The following NPTXR variants were observed in gnomAD, a reference collection of about 807,000 sequenced individuals.
The protein encoded by NPTXR is neuronal pentraxin receptor.
Under a neutral mutation model 32.2 loss-of-function variants are expected in NPTXR, and 12 were observed. The ratio of observed to expected loss-of-function variants is 0.37; its 90% CI spans 0.24 to 0.60. NPTXR has a LOEUF of 0.60. Ranked by LOEUF, NPTXR falls within the 20% of genes least tolerant of loss-of-function variation. NPTXR has a pLI of 0.66. For missense variants in NPTXR, 612 were observed against 682.9 expected, an observed-to-expected ratio of 0.90 and a Z score of 1.16; for synonymous variants, 323 against 315.8, an observed-to-expected ratio of 1.02 and a Z score of -0.24.
chr22:38,843,636 G>A lies in NPTXR; in HGVS notation c.223C>T (p.Pro75Ser), dbSNP rs776494065. The change falls in exon 1 of 5, where the codon CCC (proline) becomes TCC (serine). Residue 75 changes from proline (P) to serine (S), a missense_variant. Pro to Ser is a moderately conservative substitution (Grantham distance 74). Transcript: ENST00000333039. The surrounding 1 kb of genome is among the most constrained non-coding windows in gnomAD (Gnocchi z 5.3). ...TGCGCGCTGGCCGCGGGTGCCCCGG[G>A]CAGCGCGGGGGGCCCGGCTGAACCG... is the stretch of plus-strand genomic sequence containing the variant. 8.8e-5 allele frequency: 97 copies of A among 1,099,626 alleles called. 1 individual carries two copies. The African/African-American group carries it at 1.4e-3, about 15-fold the overall frequency. 68.1% of individuals were successfully genotyped at this position (1,099,626 alleles called of 1,614,324 possible).
At chr22:38,824,303 A>C (rs2093102952) in intron 3 of NPTXR, among the ~76,000 whole-genome samples, 1 of 152,038 alleles carries the variant, frequency 6.6e-6, no homozygotes, top group Non-Finnish European at 1.5e-5. Flanking sequence ...TGAGATCACA[A>C]TTTAATGTAA....
chr22:38,841,140 G>A (rs1407273146), intron 1 of NPTXR, among the ~76,000 whole-genome samples: 1 of 152,190 alleles, frequency 6.6e-6, no homozygotes, highest in East Asian at 1.9e-4. Context: ...TGAGCCAAGT[G>A]GTCTCACCCT....
Position 38,828,425 on chromosome 22 carries a change from G to T in NPTXR, c.712C>A (p.Leu238Met). Residue 238 changes from leucine to methionine, a missense_variant, in exon 2 of 5, where the codon CTG becomes ATG. By Grantham distance (15) the Leu-to-Met change is conservative. Transcript: ENST00000333039. ...ACCTGGGCCAGCAGCTGCCCCTCCA[G>T]CTGGTCCATCTTGGAGTGTAGGCCG... 6.2e-7 allele frequency: 1 copy of T among 1,612,614 alleles called. No individual in the cohort carries two copies. The highest frequency in any genetic ancestry group is 1.1e-5 in the South Asian group (1 of 91,008).
At chr22:38,825,203 G>A (rs1321122470) in intron 3 of NPTXR, among the ~76,000 whole-genome samples, 4 of 152,160 alleles carry the variant, frequency 2.6e-5, no homozygotes, top group Non-Finnish European at 4.4e-5. Context: ...GAGGGGCATC[G>A]GGGAGGGAGG....
rs1221748850 is a variant in NPTXR at position 38,832,870 on chromosome 22, C to T, written c.625-4358G>A. ...CAAGCAGGAGAGGTACTAATGGCCACGGGAAGTCTAGAAGATCCAGAAGGT... is the reference window on the plus strand; with the variant it reads ...CAAGCAGGAGAGGTACTAATGGCCATGGGAAGTCTAGAAGATCCAGAAGGT... On this transcript the variant is annotated intron_variant, in intron 1 of 4. Transcript: ENST00000333039. 2.0e-5 allele frequency among the ~76,000 whole-genome samples: 3 copies of T among 152,046 alleles called. 1 individual carries two copies. Among genetic ancestry groups the T allele is most frequent in the South Asian group, 4.1e-4 (2 of 4,822 alleles).
chr22:38,844,002 C>T lies in NPTXR; in HGVS notation c.-144G>A. On this transcript the variant is annotated 5_prime_UTR_variant, in exon 1 of 5. Coordinates refer to ENST00000333039, the MANE Select transcript of NPTXR (RefSeq NM_014293.4). This position sits in a 1 kb window ranked among gnomAD's most constrained non-coding sequence, Gnocchi z 4.3. ...GAGCCGGAGCCGGAGCTGGAGCTGT[C>T]GCCGCGGCCGCTGCTGCCGCCGCTC... 1 of 278,024 alleles carries T rather than the reference C, an allele frequency of 3.6e-6. No individual in the cohort carries two copies. Among genetic ancestry groups the T allele is most frequent in the Non-Finnish European group, 5.4e-6 (1 of 184,976 alleles). The allele number at this position is 278,024 out of a possible 1,614,324, so 17.2% of individuals were successfully genotyped here.
Position 38,826,491 on chromosome 22 carries a change from C to T in NPTXR, c.1098+9G>A, listed in dbSNP as rs756188514. On this transcript the variant is annotated intron_variant, in intron 3 of 4. Transcript: ENST00000333039. Reference sequence around the variant, plus strand: ...CCCCCAGCCAGCCCTCCCTGCCAGCCCTGCCTACCTTGTCGTTGATCAGCA... The same window carrying T: ...CCCCCAGCCAGCCCTCCCTGCCAGCTCTGCCTACCTTGTCGTTGATCAGCA... 3 of 1,595,488 alleles carry T rather than the reference C, an allele frequency of 1.9e-6. No homozygotes were observed. Among genetic ancestry groups the T allele is most frequent in the African/African-American group, 2.7e-5 (2 of 74,668 alleles).
rs1301112617 is a variant in NPTXR at position 38,822,764 on chromosome 22, C to G, written c.1348G>C (p.Asp450His). Residue 450 changes from aspartate to histidine, a missense_variant, in exon 5 of 5, where the codon GAC becomes CAC. By Grantham distance (81) the Asp-to-His change is moderately conservative (BLOSUM62 -1). Transcript: ENST00000333039. ...ACCTGGGCTGGTGTCAGGGCGTGGTCCCACAGGTTAAACTGGGCAATGTCA... is the reference window on the plus strand; with the variant it reads ...ACCTGGGCTGGTGTCAGGGCGTGGTGCCACAGGTTAAACTGGGCAATGTCA... 5 of 1,614,068 alleles carry G rather than the reference C, an allele frequency of 3.1e-6. No individual in the cohort carries two copies. Among genetic ancestry groups the G allele is most frequent in the Non-Finnish European group, 4.2e-6 (5 of 1,180,034 alleles).
chr22:38,835,717 C>G (rs2093122961), intron 1 of NPTXR, among the ~76,000 whole-genome samples: 1 of 152,200 alleles, frequency 6.6e-6, no homozygotes, highest in Non-Finnish European at 1.5e-5. Flanking sequence ...GTCCCCCACC[C>G]CTAGCCCACT....
intron 1 of NPTXR, among the ~76,000 whole-genome samples, chr22:38,841,390 C>T (rs533725782): frequency 4.2e-4 from 64 of 152,354 alleles, no homozygotes; most frequent in Middle Eastern, 6.8e-3. Context: ...CCAACCTCAG[C>T]GGGCTAACCG....
intron 2 of NPTXR, 82 bp downstream of exon 2, chr22:38,828,204 TC>T: frequency 8.8e-7 from 1 of 1,137,220 alleles, no homozygotes; most frequent in Non-Finnish European, 1.3e-6. Flanking sequence ...GATGTTAGCC[TC>T]CGGGGAGCAT....
intron 1 of NPTXR, among the ~76,000 whole-genome samples, chr22:38,832,863 A>T (rs2093118499): frequency 6.6e-6 from 1 of 151,956 alleles, no homozygotes; most frequent in Admixed American, 6.5e-5. Flanking sequence ...AGAGGTACTA[A>T]TGGCCACGGG....
At position 38,828,412 on chromosome 22, in the gene NPTXR, A is replaced by G; in HGVS notation, c.725T>C (p.Leu242Pro). Residue 242 changes from leucine to proline, a missense_variant, in exon 2 of 5, where the codon CTG becomes CCG. Transcript: ENST00000333039. The stretch of plus-strand genomic sequence containing the variant: ...CTCCAGTGCCAGCACCTGGGCCAGC[A>G]GCTGCCCCTCCAGCTGGTCCATCTT... 6.2e-7 allele frequency: 1 copy of G among 1,612,780 alleles called. No homozygotes were observed. Among genetic ancestry groups the G allele is most frequent in the Non-Finnish European group, 8.5e-7 (1 of 1,179,884 alleles).
chr22:38,843,731 G>T lies in NPTXR; in HGVS notation c.128C>A (p.Ala43Asp). Residue 43 changes from alanine to aspartate, a missense_variant, in exon 1 of 5, where the codon GCT becomes GAT. Ala to Asp is a moderately radical substitution (Grantham distance 126). Coordinates refer to ENST00000333039, the MANE Select transcript of NPTXR (RefSeq NM_014293.4). The surrounding 1 kb of genome is among the most constrained non-coding windows in gnomAD (Gnocchi z 5.3). ...CGCGGCGGCGCCCGAGGCGACCGAA[G>T]CATTGTCGGCGCCGCCGGGCAGCGC... 1.0e-6 allele frequency: 1 copy of T among 995,138 alleles called. No homozygotes were observed. Among genetic ancestry groups the T allele is most frequent in the South Asian group, 4.5e-5 (1 of 22,042 alleles). 61.6% of individuals were successfully genotyped at this position (995,138 alleles called of 1,614,324 possible). A position where few individuals can be genotyped will look rare whatever the true frequency, so the allele number is the denominator to read the frequency against.
chr22:38,838,735 C>T (rs557125850), intron 1 of NPTXR, among the ~76,000 whole-genome samples: 11 of 152,092 alleles, frequency 7.2e-5, no homozygotes, highest in Admixed American at 1.3e-4. Context: ...GTGCCCGCCA[C>T]CATGCCTGGC....
chr22:38,843,998 C>T lies in NPTXR; in HGVS notation c.-140G>A, dbSNP rs1188060075. On this transcript the variant is annotated 5_prime_UTR_variant, in exon 1 of 5. Coordinates refer to ENST00000333039, the MANE Select transcript of NPTXR (RefSeq NM_014293.4). This position sits in a 1 kb window ranked among gnomAD's most constrained non-coding sequence, Gnocchi z 5.3. ...GCCGGAGCCGGAGCCGGAGCTGGAG[C>T]TGTCGCCGCGGCCGCTGCTGCCGCC... The T allele has an allele frequency of 3.1e-6, 1 of 321,632 alleles. No homozygotes were observed. The highest frequency in any genetic ancestry group is 4.4e-6 in the Non-Finnish European group (1 of 224,876). The allele number at this position is 321,632 out of a possible 1,614,324, so 19.9% of individuals were successfully genotyped here.
chr22:38,824,878 C>T (rs1490080848), intron 3 of NPTXR, among the ~76,000 whole-genome samples: 1 of 152,206 alleles, frequency 6.6e-6, no homozygotes, highest in Non-Finnish European at 1.5e-5. Context: ...CTCCTCCCTC[C>T]TCCTCCTCCC....
rs2093096265 is a variant in NPTXR, at chr22:38,821,054, CA to C, written c.*1554del. On this transcript the variant is annotated 3_prime_UTR_variant, in exon 5 of 5. Coordinates refer to ENST00000333039, the MANE Select transcript of NPTXR (RefSeq NM_014293.4). ...GGACTACAGGCATGCACCACCTAAC[CA>C]GCTAAGTTTTGTATTTTTAGTGAAG... The C allele has an allele frequency of 6.6e-6, 1 of 152,206 alleles. No homozygotes were observed. Among genetic ancestry groups the C allele is most frequent in the African/African-American group, 2.4e-5 (1 of 41,426 alleles). The allele number at this position is 152,206 out of a possible 1,614,324, so 9.4% of individuals were successfully genotyped here. A position where few individuals can be genotyped will look rare whatever the true frequency, so the allele number is the denominator to read the frequency against.
chr22:38,825,993 C>T (rs918424322), intron 3 of NPTXR, among the ~76,000 whole-genome samples: 5 of 152,168 alleles, frequency 3.3e-5, no homozygotes. Flanking sequence ...CAGGTGCCCA[C>T]CACCACACCC....
Sources: allele counts gnomAD v4.1 joint callset (sites outside exome capture counted in the v4.1 genomes callset), GRCh38; gene constraint gnomAD v4.1.1; non-coding constraint Gnocchi (gnomAD v3.1); transcripts MANE v1.5; gene names NCBI Gene and HGNC (gene_info 2026-07-23, HGNC 2026-07-21).